The following VPS53 variants were observed in gnomAD, a reference collection of about 807,000 sequenced individuals.
VPS53 encodes the protein VPS53 subunit of GARP complex.
VPS53 carries 70 observed loss-of-function variants against 107.0 expected under a neutral mutation model. The ratio of observed to expected loss-of-function variants is 0.65; its 90% CI spans 0.54 to 0.80. VPS53 has a LOEUF of 0.80. VPS53 is among the 30% of genes least tolerant of loss of function. The pLI, the probability that VPS53 is intolerant of heterozygous loss-of-function variation, is 0.00. For missense variants in VPS53, 917 were observed against 1,049.4 expected, an observed-to-expected ratio of 0.87 and a Z score of 1.74; for synonymous variants, 409 against 393.3, an observed-to-expected ratio of 1.04 and a Z score of -0.47.
At chr17:548,665 C>T (rs1039963191) in intron 17 of VPS53, among the ~76,000 whole-genome samples, 3 of 152,268 alleles carry the variant, frequency 2.0e-5, no homozygotes, top group African/African-American at 7.2e-5. Context: ...ATTGGTTGTT[C>T]TCAGTTTTCT....
intron 5 of VPS53, chr17:657,126 T>C (rs1341371384): frequency 7.2e-6 from 9 of 1,244,092 alleles, no homozygotes; most frequent in East Asian, 4.6e-5. Flanking sequence ...TTCACCTTGA[T>C]GAGGGGTCAG....
chr17:657,276 T>C (rs553173914), intron 5 of VPS53: 2 of 866,216 alleles, frequency 2.3e-6, no homozygotes, highest in African/African-American at 1.7e-5. Context: ...ACGGATCAGA[T>C]GGAAATTCTC....
At chr17:645,229 G>A (rs1468253789) in intron 7 of VPS53, among the ~76,000 whole-genome samples, 1 of 152,168 alleles carries the variant, frequency 6.6e-6, no homozygotes. Flanking sequence ...AAATGCAGGT[G>A]GAAACCACAA....
intron 17 of VPS53, among the ~76,000 whole-genome samples, chr17:543,907 G>A (rs1385355429): frequency 1.1e-5 from 1 of 92,416 alleles, no homozygotes; most frequent in Admixed American, 1.1e-4. Flanking sequence ...GGAGTCTGGA[G>A]GGAGGGGAGG....
chr17:608,622 C>CTTTTT (rs912296562), intron 11 of VPS53, among the ~76,000 whole-genome samples: 22 of 138,034 alleles, frequency 1.6e-4, no homozygotes, highest in African/African-American at 5.4e-4. Context: ...CTTTTCTTTT[C>CTTTTT]TTTTTTTTTT....
chr17:571,144 C>G (rs1914001958), intron 13 of VPS53, among the ~76,000 whole-genome samples: 1 of 148,328 alleles, frequency 6.7e-6, no homozygotes, highest in Non-Finnish European at 1.5e-5. Flanking sequence ...GAGACCCTGT[C>G]TCTACAAAAA....
chr17:570,973 A>G (rs1277280250), intron 13 of VPS53, among the ~76,000 whole-genome samples: 4 of 152,292 alleles, frequency 2.6e-5, no homozygotes, highest in Middle Eastern at 3.4e-3. Flanking sequence ...ATATTGAAGT[A>G]TTAAGGAGTA....
chr17:670,546 T>C (rs1411706775), intron 4 of VPS53, among the ~76,000 whole-genome samples: 1 of 152,170 alleles, frequency 6.6e-6, no homozygotes, highest in Non-Finnish European at 1.5e-5. Flanking sequence ...CTCTTTTTCC[T>C]TTTTTTGCAG....
At chr17:649,651 A>G (rs1221520600) in intron 7 of VPS53, among the ~76,000 whole-genome samples, 7 of 151,780 alleles carry the variant, frequency 4.6e-5, no homozygotes, top group African/African-American at 1.7e-4. Flanking sequence ...ACTTGAGGAC[A>G]GAGAAATGGA....
intron 11 of VPS53, among the ~76,000 whole-genome samples, chr17:621,023 G>C (rs551383855): frequency 1.3e-5 from 2 of 152,222 alleles, no homozygotes; most frequent in South Asian, 4.1e-4. Context: ...GTATGTAAAT[G>C]CATTTGTATA....
At chr17:647,756 C>T (rs1970766688) in intron 7 of VPS53, among the ~76,000 whole-genome samples, 1 of 152,136 alleles carries the variant, frequency 6.6e-6, no homozygotes, top group South Asian at 2.1e-4. Flanking sequence ...ACGTTGCAAC[C>T]TCCCATTCCT....
intron 4 of VPS53, among the ~76,000 whole-genome samples, chr17:681,047 T>C (rs1007058680): frequency 2.6e-5 from 4 of 152,196 alleles, no homozygotes; most frequent in Admixed American, 6.5e-5. Context: ...CAATGATAAA[T>C]ATATTACATG....
intron 7 of VPS53, among the ~76,000 whole-genome samples, chr17:644,203 G>A (rs1323643283): frequency 6.6e-6 from 1 of 152,236 alleles, no homozygotes; most frequent in Non-Finnish European, 1.5e-5. Flanking sequence ...CAGAAGGGTA[G>A]TTGGAAGAAT....
At chr17:691,422 C>A (rs1299946266) in intron 4 of VPS53, among the ~76,000 whole-genome samples, 2 of 152,160 alleles carry the variant, frequency 1.3e-5, no homozygotes, top group Non-Finnish European at 2.9e-5. Flanking sequence ...AATGAAACGT[C>A]AGAGATGTAA....
chr17:647,437 A>T lies in VPS53; in HGVS notation c.608+5854T>A, dbSNP rs935473123. ...AGGATGTAGAAAATGCAGAGTAAAT[A>T]TCTATCATGCAAATGAAGAAAAGAA... On this transcript the variant is annotated intron_variant, in intron 7 of 21. Coordinates refer to ENST00000437048, the MANE Select transcript of VPS53 (RefSeq NM_001128159.3). Among the ~76,000 whole-genome samples the T allele has an allele frequency of 1.9e-4, 29 of 152,238 alleles. 1 individual carries two copies. Among genetic ancestry groups the T allele is most frequent in the Admixed American group, 1.6e-3 (24 of 15,286 alleles).
chr17:662,769 GAAAGAGAA>G (rs1380889161), intron 4 of VPS53, among the ~76,000 whole-genome samples: 16 of 129,232 alleles, frequency 1.2e-4, no homozygotes, highest in African/African-American at 4.7e-4. Context: ...AAGAAAGAAA[GAAAGAGAA>G]AGAAAGAAAA....
chr17:605,589 C>T lies in VPS53; in HGVS notation c.1117-3693G>A, dbSNP rs575917150. ...TCCCATCATATTGGTGAGTCAGGGACGGAAACAAAGATGGGGGCCTGGGGT... is the reference window on the plus strand; with the variant it reads ...TCCCATCATATTGGTGAGTCAGGGATGGAAACAAAGATGGGGGCCTGGGGT... On this transcript the variant is annotated intron_variant, in intron 11 of 21. Transcript: ENST00000437048. 2.8e-3 allele frequency among the ~76,000 whole-genome samples: 344 copies of T among 124,888 alleles called. 7 individuals carry two copies. The highest frequency in any genetic ancestry group is 3.9e-3 in the Non-Finnish European group (232 of 59,198). The allele number at this position is 124,888 out of a possible 152,430, so 81.9% of individuals were successfully genotyped here. A position where few individuals can be genotyped will look rare whatever the true frequency, so the allele number is the denominator to read the frequency against.
At chr17:671,684 C>T (rs1766269027) in intron 4 of VPS53, among the ~76,000 whole-genome samples, 1 of 151,096 alleles carries the variant, frequency 6.6e-6, no homozygotes, top group African/African-American at 2.4e-5. Context: ...ACCAGGCCCT[C>T]GTTGGAGCAG....
intron 13 of VPS53, among the ~76,000 whole-genome samples, chr17:570,563 T>A (rs542543021): frequency 6.6e-6 from 1 of 152,134 alleles, no homozygotes; most frequent in Admixed American, 6.5e-5. Context: ...TCTTCAAAAA[T>A]GTCAAGGTCA....
Sources: gnomAD v4.1 joint callset for allele counts (sites outside exome capture counted in the v4.1 genomes callset) on GRCh38, gnomAD v4.1.1 for gene constraint, MANE v1.5 for transcripts, NCBI Gene and HGNC (gene_info 2026-07-23, HGNC 2026-07-21) for gene names.